The following HDAC9 variants were observed in gnomAD, a reference collection of about 807,000 sequenced individuals.
HDAC9 encodes MEF-2 interacting transcription repressor (MITR) protein.
A neutral mutation model predicts 139.4 loss-of-function variants in HDAC9; 41 were observed. The observed-to-expected ratio is 0.29, with a 90% CI of 0.23 to 0.38. The LOEUF is 0.38. Among genes scored for constraint, HDAC9 ranks in the 10% least tolerant of loss-of-function variants. The probability of loss-of-function intolerance (pLI) is 1.00; values close to 1 mark genes in which losing one functional copy is unlikely to be tolerated. For missense variants in HDAC9, 1,147 were observed against 1,297.0 expected (o/e 0.88, Z 1.78); for synonymous variants, 517 against 476.2 (o/e 1.09, Z -1.12).
chr7:18,483,445 C>G (rs1014775417), intron 1 of HDAC9, among the ~76,000 whole-genome samples: 13 of 152,186 alleles, frequency 8.5e-5, no homozygotes, highest in African/African-American at 2.9e-4. Context: ...GACCAGTAAT[C>G]TGTTTGATAG....
At chr7:18,980,586 T>TAAA (rs1234746625) in intron 25 of HDAC9, among the ~76,000 whole-genome samples, 1 of 152,226 alleles carries the variant, frequency 6.6e-6, no homozygotes, top group African/African-American at 2.4e-5. Context: ...AAATACTTGA[T>TAAA]AAAACTTGAT....
intron 11 of HDAC9, among the ~76,000 whole-genome samples, chr7:18,654,677 A>G (rs1361635652): frequency 1.3e-5 from 2 of 152,066 alleles, no homozygotes; most frequent in South Asian, 2.1e-4. Context: ...ATTTTTGTCT[A>G]AAAGTAGAAA....
chr7:18,197,058 G>C (rs547457848), intron 2 of HDAC9, among the ~76,000 whole-genome samples: 1 of 152,242 alleles, frequency 6.6e-6, no homozygotes, highest in South Asian at 2.1e-4. Flanking sequence ...AGAGCAAAAG[G>C]CTGACCCCCC....
In HDAC9 at chr7:18,299,812, G is replaced by A. The variant is rs371131056; in HGVS notation, c.-42+9297G>A. ...CTGCAATGTAGATCTGAAGCAGTGC[G>A]GAGAAAAGGCTACCAATCCACCTTC... is the stretch of plus-strand genomic sequence containing the variant. On this transcript the variant is annotated intron_variant, in intron 1 of 3. Transcript: ENST00000413509. Among the ~76,000 whole-genome samples, 11 of 151,968 alleles carry A rather than the reference G, an allele frequency of 7.2e-5. No individual in the cohort carries two copies. The East Asian group carries it at 7.7e-4, about 11-fold the overall frequency.
chr7:18,937,892 C>T (rs1449959111), intron 23 of HDAC9, among the ~76,000 whole-genome samples: 1 of 152,196 alleles, frequency 6.6e-6, no homozygotes, highest in Non-Finnish European at 1.5e-5. Flanking sequence ...TACTCATAAT[C>T]TTTTGCTCTT....
intron 16 of HDAC9, among the ~76,000 whole-genome samples, chr7:18,777,340 GGGTT>G (rs56027084): frequency 0.99 from 150,321 of 152,008 alleles, 74,326 homozygotes; most frequent in East Asian, 1. Flanking sequence ...CTTTGCAAGT[GGGTT>G]GGTTTTTTTC....
chr7:18,891,379 C>T (rs1402424599), intron 22 of HDAC9, among the ~76,000 whole-genome samples: 1 of 152,180 alleles, frequency 6.6e-6, no homozygotes, highest in Non-Finnish European at 1.5e-5. Context: ...GGAAGGTCCT[C>T]TACTTTAAGA....
intron 22 of HDAC9, among the ~76,000 whole-genome samples, chr7:18,915,008 G>A (rs1183023683): frequency 1.3e-5 from 2 of 152,080 alleles, no homozygotes; most frequent in African/African-American, 4.8e-5. Flanking sequence ...ATTTAAAAGG[G>A]ATGGTTGGAT....
chr7:18,238,191 C>T (rs992633578), intron 2 of HDAC9, among the ~76,000 whole-genome samples: 2 of 152,078 alleles, frequency 1.3e-5, no homozygotes, highest in Non-Finnish European at 2.9e-5. Flanking sequence ...TTGAGCATAC[C>T]AATAGTAGTG....
intron 21 of HDAC9, among the ~76,000 whole-genome samples, chr7:18,871,466 A>T (rs1232150447): frequency 6.6e-6 from 1 of 152,160 alleles, no homozygotes; most frequent in African/African-American, 2.4e-5. Flanking sequence ...AATATATACT[A>T]ACCCATGGAT....
At chr7:18,174,380 G>C (rs1038757032) in intron 2 of HDAC9, among the ~76,000 whole-genome samples, 1 of 152,096 alleles carries the variant, frequency 6.6e-6, no homozygotes, top group Non-Finnish European at 1.5e-5. Flanking sequence ...TAGCTTCCTT[G>C]CGATGGGTTC....
chr7:18,099,616 T>G (rs879846488), intron 1 of HDAC9, among the ~76,000 whole-genome samples: 1 of 152,190 alleles, frequency 6.6e-6, no homozygotes, highest in African/African-American at 2.4e-5. Context: ...TTAACTTATA[T>G]TTTCAAAAGT....
At chr7:18,874,901 A>G (rs1157171843) in intron 22 of HDAC9, among the ~76,000 whole-genome samples, 1 of 152,292 alleles carries the variant, frequency 6.6e-6, no homozygotes, top group East Asian at 1.9e-4. Context: ...AATATGCTGC[A>G]TGACTTGAGA....
intron 12 of HDAC9, among the ~76,000 whole-genome samples, chr7:18,720,517 A>G (rs1785060096): frequency 6.6e-6 from 1 of 151,726 alleles, no homozygotes; most frequent in African/African-American, 2.4e-5. Context: ...TTAATTATAC[A>G]TATTACTGTG....
At chr7:18,956,215 C>A (rs1412183926) in intron 24 of HDAC9, among the ~76,000 whole-genome samples, 1 of 152,078 alleles carries the variant, frequency 6.6e-6, no homozygotes, top group Non-Finnish European at 1.5e-5. Context: ...CTGTGAAATC[C>A]ATTTCCTTCT....
upstream of HDAC9, among the ~76,000 whole-genome samples, chr7:18,288,112 A>G (rs1023543891): frequency 2.0e-5 from 3 of 152,236 alleles, no homozygotes; most frequent in African/African-American, 7.2e-5. Context: ...ACCATTTGGA[A>G]AACCATGTTG....
At chr7:18,479,569 C>G (rs1404490310) in intron 1 of HDAC9, among the ~76,000 whole-genome samples, 2 of 152,184 alleles carry the variant, frequency 1.3e-5, no homozygotes, top group Non-Finnish European at 2.9e-5. Context: ...TGATAAGGCA[C>G]ATACCCTCAT....
chr7:18,371,184 A>C (rs909169590), intron 1 of HDAC9, among the ~76,000 whole-genome samples: 1 of 152,212 alleles, frequency 6.6e-6, no homozygotes, highest in Non-Finnish European at 1.5e-5. Flanking sequence ...GCTCCGCAGC[A>C]ATAATCGAAG....
chr7:18,208,276 A>G (rs911927614), intron 2 of HDAC9, among the ~76,000 whole-genome samples: 2 of 151,922 alleles, frequency 1.3e-5, no homozygotes, highest in Non-Finnish European at 2.9e-5. Flanking sequence ...CTCCCTTAAC[A>G]TCACCTGCAA....
Sources: allele counts gnomAD v4.1 joint callset (sites outside exome capture counted in the v4.1 genomes callset), GRCh38; gene constraint gnomAD v4.1.1; transcripts MANE v1.5; gene names NCBI Gene and HGNC (gene_info 2026-07-23, HGNC 2026-07-21).